C5: variants seen among roughly 807,000 people sequenced by gnomAD.
The protein encoded by C5 is C3 and PZP-like alpha-2-macroglobulin domain-containing protein 4.
In C5, 140 loss-of-function variants were observed where a neutral mutation model predicts 218.8. The ratio of observed to expected loss-of-function variants is 0.64; its 90% CI spans 0.56 to 0.74. The LOEUF (loss-of-function observed/expected upper bound fraction) is 0.74. C5 is among the 30% of genes least tolerant of loss of function. The probability of loss-of-function intolerance (pLI) is 0.00; values close to 1 mark genes in which losing one functional copy is unlikely to be tolerated. For missense variants in C5, 1,700 were observed against 1,969.6 expected (o/e 0.86, Z 2.59); for synonymous variants, 614 against 682.3 (o/e 0.90, Z 1.56).
chr9:121,001,986 T>C (rs969598123), intron 20 of C5, among the ~76,000 whole-genome samples: 2 of 151,722 alleles, frequency 1.3e-5, no homozygotes, highest in African/African-American at 2.4e-5. Flanking sequence ...AGAAACATGG[T>C]TCAATAAATT....
chr9:120,986,185 C>G (rs1461972391), intron 25 of C5, among the ~76,000 whole-genome samples: 1 of 152,040 alleles, frequency 6.6e-6, no homozygotes, highest in Non-Finnish European at 1.5e-5. Flanking sequence ...GAGCAGTGAG[C>G]AGCCAAACTG....
chr9:121,050,136 C>G, intron 1 of C5, 46 bp downstream of exon 1: 1 of 1,428,182 alleles, frequency 7.0e-7, no homozygotes. Flanking sequence ...CTTCATTCGT[C>G]ATAACTAAGA....
chr9:121,073,511 CTTTT>C, the C5 span, among the ~76,000 whole-genome samples: 230 of 72,996 alleles, frequency 3.2e-3, no homozygotes, highest in African/African-American at 9.0e-3. Context: ...GAAAACTGGA[CTTTT>C]TTTTTTTTTT....
At chr9:120,984,314 G>C (rs1240094418) in intron 25 of C5, among the ~76,000 whole-genome samples, 1 of 152,074 alleles carries the variant, frequency 6.6e-6, no homozygotes, top group Non-Finnish European at 1.5e-5. Context: ...TTGACTTTTA[G>C]GGGGTAAGAG....
the C5 span, among the ~76,000 whole-genome samples, chr9:121,067,668 A>C: frequency 6.6e-6 from 1 of 151,736 alleles, no homozygotes; most frequent in Non-Finnish European, 1.5e-5. Context: ...TGTAATCCCC[A>C]CGTGTCAGGG....
intron 17 of C5, among the ~76,000 whole-genome samples, chr9:121,009,092 T>C (rs1272778733): frequency 6.6e-6 from 1 of 152,230 alleles, no homozygotes; most frequent in East Asian, 1.9e-4. Context: ...GTCTATAAAG[T>C]TATTTGCACT....
At chr9:121,043,799 C>T (rs988811045) in intron 2 of C5, among the ~76,000 whole-genome samples, 6 of 150,626 alleles carry the variant, frequency 4.0e-5, no homozygotes, top group East Asian at 2.0e-4. Flanking sequence ...CCACCTGCCT[C>T]GGCTTCCCAA....
the C5 span, among the ~76,000 whole-genome samples, chr9:121,069,802 C>T: frequency 6.6e-6 from 1 of 152,224 alleles, no homozygotes; most frequent in East Asian, 1.9e-4. Context: ...GTGTGAGTCA[C>T]CTTGCCCAGC....
Position 121,021,557 on chromosome 9 carries a change from A to C in C5, c.1254T>G (p.Ala418=). The C allele has an allele frequency of 6.2e-7, 1 of 1,613,896 alleles. No individual in the cohort carries two copies. The highest frequency in any genetic ancestry group is 8.5e-7 in the Non-Finnish European group (1 of 1,179,830). The change falls in exon 11 of 41, where the codon GCT becomes GCG. Residue 418 remains alanine (A), a synonymous_variant. Coordinates refer to ENST00000223642, the MANE Select transcript of C5 (RefSeq NM_001735.3). ...CAGATGGGAGATTAAGCACAAAGGAAGCTACTCCATCATCAACACGTGTTA... is the reference window on the plus strand; with the variant it reads ...CAGATGGGAGATTAAGCACAAAGGACGCTACTCCATCATCAACACGTGTTA... ...KSVTRVDDGV[A]SFVLNLPSGV...
At chr9:120,969,321 T>G (rs944687013) in intron 32 of C5, among the ~76,000 whole-genome samples, 9 of 152,198 alleles carry the variant, frequency 5.9e-5, no homozygotes, top group South Asian at 4.1e-4. Flanking sequence ...CTTTAAATAA[T>G]TAACAGTTCA....
intron 25 of C5, among the ~76,000 whole-genome samples, chr9:120,986,227 T>A (rs1306967408): frequency 6.6e-6 from 1 of 151,986 alleles, no homozygotes; most frequent in African/African-American, 2.4e-5. Flanking sequence ...ATTTCATGTA[T>A]ATATATACTA....
chr9:120,983,290 G>C (rs2047008659), intron 25 of C5, among the ~76,000 whole-genome samples: 1 of 152,130 alleles, frequency 6.6e-6, no homozygotes, highest in Non-Finnish European at 1.5e-5. Context: ...TGCTGCCATT[G>C]ACACAGAACT....
intron 38 of C5, 72 bp downstream of exon 38, chr9:120,960,176 T>C (rs900940299): frequency 1.0e-6 from 1 of 964,070 alleles, no homozygotes; most frequent in Non-Finnish European, 1.7e-6. Context: ...ATAAAGTTTT[T>C]GATCTTTCTA....
chr9:120,969,228 T>A, intron 32 of C5, 110 bp from the exon 33 acceptor site: 1 of 862,212 alleles, frequency 1.2e-6, no homozygotes, highest in Non-Finnish European at 2.0e-6. Context: ...TTGAACACAC[T>A]TAAAAATGAT....
Position 121,006,943 on chromosome 9 carries a change from T to C in C5, c.2383A>G (p.Thr795Ala), listed in dbSNP as rs2047221028. Residue 795 changes from threonine to alanine, a missense_variant, in exon 19 of 41, where the codon ACC (threonine) becomes GCC (alanine). By Grantham distance (58) the Thr-to-Ala change is moderately conservative (BLOSUM62 0). Transcript: ENST00000223642. ...QLQFALPDSL[T>A]TWEIQGVGIS... ...CCAACGCCTTGAATTTCCCAGGTGG[T>C]TAGAGAATCAGGTAGGGCAAACTGC... 7 of 1,612,944 alleles carry C rather than the reference T, an allele frequency of 4.3e-6. No homozygotes were observed. The highest frequency in any genetic ancestry group is 5.1e-6 in the Non-Finnish European group (6 of 1,178,958).
chr9:121,067,214 G>A, the C5 span, among the ~76,000 whole-genome samples: 2 of 151,866 alleles, frequency 1.3e-5, no homozygotes, highest in South Asian at 4.2e-4. Flanking sequence ...GCTGCAGTGA[G>A]CCATAATTGC....
intron 20 of C5, among the ~76,000 whole-genome samples, chr9:121,003,238 C>T (rs2047186217): frequency 6.6e-6 from 1 of 151,946 alleles, no homozygotes; most frequent in South Asian, 2.1e-4. Context: ...CTGCAGTGAA[C>T]CGAGATTGTG....
chr9:120,971,436 G>C (rs2046912574), intron 31 of C5, among the ~76,000 whole-genome samples: 1 of 151,774 alleles, frequency 6.6e-6, no homozygotes, highest in Non-Finnish European at 1.5e-5. Flanking sequence ...TACATATAAG[G>C]ATTAAATTTT....
intron 38 of C5, among the ~76,000 whole-genome samples, chr9:120,958,339 C>A (rs554401991): frequency 2.6e-5 from 4 of 152,108 alleles, no homozygotes; most frequent in African/African-American, 9.7e-5. Context: ...GGCTTGTAGT[C>A]CAGAAAAAGC....
Sources: allele counts gnomAD v4.1 joint callset (sites outside exome capture counted in the v4.1 genomes callset), GRCh38; gene constraint gnomAD v4.1.1; transcripts MANE v1.5; gene names NCBI Gene and HGNC (gene_info 2026-07-23, HGNC 2026-07-21).